LMBR1: variants seen among roughly 807,000 people sequenced by gnomAD.
LMBR1 encodes the protein limb development membrane protein 1.
A neutral mutation model predicts 73.9 loss-of-function variants in LMBR1; 52 were observed. The observed-to-expected ratio is 0.70, with a 90% CI of 0.56 to 0.89. The LOEUF is 0.89. LMBR1 is among the 40% of genes least tolerant of loss of function. The pLI, the probability that LMBR1 is intolerant of heterozygous loss-of-function variation, is 0.00. For missense variants in LMBR1, 539 were observed against 579.8 expected, an observed-to-expected ratio of 0.93 and a Z score of 0.72; for synonymous variants, 215 against 209.4, an observed-to-expected ratio of 1.03 and a Z score of -0.23.
At chr7:156,793,555 T>C (rs1296418719) in intron 5 of LMBR1, among the ~76,000 whole-genome samples, 3 of 152,214 alleles carry the variant, frequency 2.0e-5, no homozygotes, top group African/African-American at 7.2e-5. Flanking sequence ...GGAAACATAT[T>C]TTAAAACCGC....
chr7:156,682,990 A>G lies in LMBR1; in HGVS notation c.*1088T>C, dbSNP rs936764885. 2.3e-4 allele frequency: 35 copies of G among 152,340 alleles called. No individual in the cohort carries two copies. The highest frequency in any genetic ancestry group is 8.4e-4 in the African/African-American group (35 of 41,586). The allele number at this position is 152,340 out of a possible 1,614,324, so 9.4% of individuals were successfully genotyped here. A position where few individuals can be genotyped will look rare whatever the true frequency, so the allele number is the denominator to read the frequency against. ...GACTTAAAGCCAAGAAACCATCCCA[A>G]TAATTATTTACAATTTAATAACTGA... On this transcript the variant is annotated 3_prime_UTR_variant, in exon 17 of 17. Coordinates refer to ENST00000353442, the MANE Select transcript of LMBR1 (RefSeq NM_022458.4).
intron 9 of LMBR1, among the ~76,000 whole-genome samples, chr7:156,748,397 T>C (rs912853955): frequency 3.3e-5 from 5 of 152,232 alleles, no homozygotes; most frequent in Non-Finnish European, 7.3e-5. Context: ...TATGTTTATA[T>C]AAGCTACTAT....
chr7:156,875,768 G>A (rs1800066139), intron 1 of LMBR1, among the ~76,000 whole-genome samples: 2 of 152,108 alleles, frequency 1.3e-5, no homozygotes. Flanking sequence ...CAAATGCTGA[G>A]AGAATTTGCC....
intron 5 of LMBR1, among the ~76,000 whole-genome samples, chr7:156,769,330 A>T (rs1302637835): frequency 6.6e-6 from 1 of 152,098 alleles, no homozygotes; most frequent in Non-Finnish European, 1.5e-5. Flanking sequence ...GTGTCATACC[A>T]ACATTCCTTC....
intron 15 of LMBR1, among the ~76,000 whole-genome samples, chr7:156,699,621 C>T (rs992600565): frequency 2.6e-4 from 39 of 152,014 alleles, no homozygotes; most frequent in African/African-American, 6.3e-4. Context: ...AACAGGCAAC[C>T]TACAGAATGG....
At chr7:156,726,937 C>T (rs188158944) in intron 12 of LMBR1, among the ~76,000 whole-genome samples, 38 of 152,108 alleles carry the variant, frequency 2.5e-4, no homozygotes, top group African/African-American at 9.2e-4. Flanking sequence ...AGATCACACC[C>T]CTGTCTTCCA....
chr7:156,840,752 G>C (rs1040414850), intron 1 of LMBR1, among the ~76,000 whole-genome samples: 8 of 151,438 alleles, frequency 5.3e-5, no homozygotes, highest in African/African-American at 1.9e-4. Context: ...GAGGTCAGGA[G>C]ATCGAGACCA....
intron 1 of LMBR1, among the ~76,000 whole-genome samples, chr7:156,875,744 C>G (rs1279958421): frequency 6.6e-6 from 1 of 152,130 alleles, no homozygotes; most frequent in African/African-American, 2.4e-5. Flanking sequence ...AAGATACAGT[C>G]TTTTTCAGAC....
At chr7:156,872,799 TCAGA>T (rs1313059567) in intron 1 of LMBR1, among the ~76,000 whole-genome samples, 2 of 152,174 alleles carry the variant, frequency 1.3e-5, no homozygotes, top group Admixed American at 6.5e-5. Flanking sequence ...CAGCTCCCAC[TCAGA>T]CAGAGTAGTG....
chr7:156,865,218 G>A (rs1798286469), intron 1 of LMBR1, among the ~76,000 whole-genome samples: 1 of 151,948 alleles, frequency 6.6e-6, no homozygotes, highest in Non-Finnish European at 1.5e-5. Flanking sequence ...GAGGTGGGAA[G>A]ATCACTTGAG....
intron 1 of LMBR1, among the ~76,000 whole-genome samples, chr7:156,848,129 G>A (rs763958664): frequency 6.6e-6 from 1 of 150,920 alleles, no homozygotes. Context: ...ATAGAACTCT[G>A]GAAGAAAACC....
chr7:156,762,226 G>T (rs747827571), intron 7 of LMBR1, 28 bp from the exon 8 acceptor site: 2 of 1,471,890 alleles, frequency 1.4e-6, no homozygotes, highest in Admixed American at 3.4e-5. Context: ...CCAAAAGACA[G>T]AAAGCGACAT....
At chr7:156,806,031 G>C (rs915843418) in intron 4 of LMBR1, among the ~76,000 whole-genome samples, 1 of 152,146 alleles carries the variant, frequency 6.6e-6, no homozygotes, top group Non-Finnish European at 1.5e-5. Context: ...TCAGCCTCCA[G>C]AACTGTAAAA....
At chr7:156,753,702 A>G (rs1040122913) in intron 9 of LMBR1, among the ~76,000 whole-genome samples, 1 of 152,106 alleles carries the variant, frequency 6.6e-6, no homozygotes, top group Non-Finnish European at 1.5e-5. Context: ...TGTACCCATT[A>G]GTCCTGACAG....
chr7:156,892,855 GGGGC>G (rs1803406901), intron 1 of LMBR1, 69 bp downstream of exon 1: 2 of 1,231,332 alleles, frequency 1.6e-6, no homozygotes, highest in African/African-American at 3.2e-5. Flanking sequence ...CCGGGGACCG[GGGGC>G]CCGGGGGCGG....
intron 9 of LMBR1, among the ~76,000 whole-genome samples, chr7:156,751,720 A>G (rs764567887): frequency 3.3e-5 from 5 of 152,236 alleles, no homozygotes; most frequent in Non-Finnish European, 7.3e-5. Flanking sequence ...TATGGGAATT[A>G]AGAGAAAGAG....
intron 5 of LMBR1, among the ~76,000 whole-genome samples, chr7:156,766,877 G>A (rs534948237): frequency 2.0e-5 from 3 of 152,270 alleles, no homozygotes; most frequent in Admixed American, 6.5e-5. Context: ...GCAACACCAG[G>A]TAAAAGGTCC....
rs185649462 is a variant in LMBR1 at position 156,671,848 on chromosome 7, T to A, written n.867-2561A>T. On this transcript the variant is annotated intron_variant and non_coding_transcript_variant, in intron 4 of 4. Transcript: ENST00000430825. ...GCTGAGGCTAGAAATAAATTTTTTT[T>A]AAAAAAATAGAACTATCTCACGTTT... is the stretch of plus-strand genomic sequence containing the variant. Among the ~76,000 whole-genome samples the A allele has an allele frequency of 1.0e-2, 1,517 of 151,862 alleles. 26 individuals are homozygous for A. The highest frequency in any genetic ancestry group is 0.029 in the African/African-American group (1,219 of 41,332).
At position 156,723,859 on chromosome 7, in the gene LMBR1, T is replaced by C. The variant is rs3778925; in HGVS notation, c.1225+253A>G. ...TATAGATGTGTCAGTAAAAACAAAA[T>C]ACAACAAAAACCAGCCCGTTGTTTG... is the stretch of plus-strand genomic sequence containing the variant. On this transcript the variant is annotated intron_variant, in intron 15 of 16. Transcript: ENST00000353442. 0.16 allele frequency among the ~76,000 whole-genome samples: 24,089 copies of C among 152,048 alleles called. 1,930 individuals carry two copies. The highest frequency in any genetic ancestry group is 0.17 in the African/African-American group (7,211 of 41,512).
Sources: gnomAD v4.1 joint callset for allele counts (sites outside exome capture counted in the v4.1 genomes callset) on GRCh38, gnomAD v4.1.1 for gene constraint, MANE v1.5 for transcripts, NCBI Gene and HGNC (gene_info 2026-07-23, HGNC 2026-07-21) for gene names.